The following ADAM9 variants were observed in gnomAD, a reference collection of about 807,000 sequenced individuals.
ADAM9 encodes the protein disintegrin and metalloproteinase domain-containing protein 9.
Under a neutral mutation model 108.1 loss-of-function variants are expected in ADAM9, and 54 were observed. That is an observed-to-expected ratio of 0.50 (90% CI 0.40 to 0.63). The LOEUF is 0.63. Among genes scored for constraint, ADAM9 ranks in the 20% least tolerant of loss-of-function variants. The probability of loss-of-function intolerance (pLI) is 0.00; values close to 1 mark genes in which losing one functional copy is unlikely to be tolerated. For missense variants in ADAM9, 830 were observed against 997.7 expected (o/e 0.83, Z 2.26); for synonymous variants, 316 against 336.0 (o/e 0.94, Z 0.65).
At chr8:39,075,417 A>G (rs1838824140) in intron 15 of ADAM9, among the ~76,000 whole-genome samples, 1 of 152,198 alleles carries the variant, frequency 6.6e-6, no homozygotes, top group Admixed American at 6.5e-5. Context: ...TTTGTGCCAT[A>G]TGAATATCCA....
At chr8:39,033,604 AC>A (rs1238561810) in intron 11 of ADAM9, among the ~76,000 whole-genome samples, 4 of 152,004 alleles carry the variant, frequency 2.6e-5, no homozygotes, top group Non-Finnish European at 1.5e-5. Context: ...ATTTATATTT[AC>A]TGTAATTACT....
intron 14 of ADAM9, among the ~76,000 whole-genome samples, chr8:39,064,569 A>G (rs1838396997): frequency 6.6e-6 from 1 of 152,214 alleles, no homozygotes. Flanking sequence ...AGGCCTGAGA[A>G]CCAGGATTGC....
intron 1 of ADAM9, among the ~76,000 whole-genome samples, chr8:38,998,451 A>G (rs1321528651): frequency 2.0e-5 from 3 of 152,106 alleles, no homozygotes; most frequent in African/African-American, 7.2e-5. Context: ...TGTTAATATA[A>G]ATTGTCAGTC....
At chr8:39,007,460 G>T (rs1836200166) in intron 1 of ADAM9, among the ~76,000 whole-genome samples, 1 of 152,190 alleles carries the variant, frequency 6.6e-6, no homozygotes, top group Admixed American at 6.5e-5. Flanking sequence ...TTCATGCTGG[G>T]TGAGGGGGAG....
chr8:39,066,779 G>T (rs112568082), intron 14 of ADAM9, among the ~76,000 whole-genome samples: 35,921 of 152,064 alleles, frequency 0.24, 4,546 homozygotes, highest in South Asian at 0.31. Context: ...GTCAATTTTG[G>T]CTTTTGTTGC....
intron 11 of ADAM9, among the ~76,000 whole-genome samples, chr8:39,034,327 A>C (rs961876547): frequency 6.6e-6 from 1 of 152,176 alleles, no homozygotes; most frequent in African/African-American, 2.4e-5. Flanking sequence ...TCTACTATTA[A>C]ATCTTATCCT....
At position 39,013,806 on chromosome 8, in the gene ADAM9, T is replaced by G. The variant is rs7840044; in HGVS notation, c.255-159T>G. 0.42 allele frequency among the ~76,000 whole-genome samples: 64,542 copies of G among 151,936 alleles called. 14,529 individuals are homozygous for G. The highest frequency in any genetic ancestry group is 0.73 in the East Asian group (3,773 of 5,172). Reference sequence around the variant, plus strand: ...TGTGAGCCACTGCACCCAGCTGTTATGAGCTTTTAATTTTACAATAGCACA... The same window carrying G: ...TGTGAGCCACTGCACCCAGCTGTTAGGAGCTTTTAATTTTACAATAGCACA... On this transcript the variant is annotated intron_variant, in intron 3 of 21. Transcript: ENST00000487273.
In ADAM9 at chr8:39,098,600, T is replaced by A. The variant is rs559238616; in HGVS notation, c.2299-3263T>A. Among the ~76,000 whole-genome samples, 14 of 152,328 alleles carry A rather than the reference T, an allele frequency of 9.2e-5. No homozygotes were observed. The East Asian group carries it at 2.3e-3, about 25-fold the overall frequency. On this transcript the variant is annotated intron_variant, in intron 20 of 21. Coordinates refer to ENST00000487273, the MANE Select transcript of ADAM9 (RefSeq NM_003816.3). Reference sequence around the variant, plus strand: ...TTTAATTCCTGTAGTTCTACTTAGTTCTATTTCGAATCTGCCTGGTTATTT... The same window carrying A: ...TTTAATTCCTGTAGTTCTACTTAGTACTATTTCGAATCTGCCTGGTTATTT...
chr8:39,018,811 T>C, intron 6 of ADAM9, 42 bp from the exon 7 acceptor site: 1 of 1,572,434 alleles, frequency 6.4e-7, no homozygotes, highest in Admixed American at 1.7e-5. Flanking sequence ...ATCATAGCCT[T>C]ATAACTTCCT....
chr8:39,014,446 G>A (rs1588333882), intron 4 of ADAM9: 1 of 660,500 alleles, frequency 1.5e-6, no homozygotes. Context: ...GATGTTATGT[G>A]TTCTAATGTT....
intron 15 of ADAM9, among the ~76,000 whole-genome samples, chr8:39,072,381 A>G (rs2129441493): frequency 6.6e-6 from 1 of 152,180 alleles, no homozygotes; most frequent in Non-Finnish European, 1.5e-5. Flanking sequence ...AGCAACAAAG[A>G]CCCCCATGTC....
intron 1 of ADAM9, among the ~76,000 whole-genome samples, chr8:38,999,010 G>A: frequency 6.6e-6 from 1 of 152,110 alleles, no homozygotes; most frequent in Non-Finnish European, 1.5e-5. Flanking sequence ...GGGCAACACG[G>A]TGGAGGATAG....
At chr8:38,998,653 TG>T (rs1281433957) in intron 1 of ADAM9, among the ~76,000 whole-genome samples, 1 of 152,152 alleles carries the variant, frequency 6.6e-6, no homozygotes, top group Non-Finnish European at 1.5e-5. Context: ...TGAGAGATGT[TG>T]GGGAAGATTT....
At chr8:39,062,662 C>T (rs1838334911) in intron 14 of ADAM9, among the ~76,000 whole-genome samples, 1 of 152,212 alleles carries the variant, frequency 6.6e-6, no homozygotes, top group Non-Finnish European at 1.5e-5. Flanking sequence ...TTTCCTATCA[C>T]CTAGAATCTG....
intron 12 of ADAM9, among the ~76,000 whole-genome samples, chr8:39,043,143 T>C (rs1837504810): frequency 6.6e-6 from 1 of 152,198 alleles, no homozygotes; most frequent in Non-Finnish European, 1.5e-5. Context: ...TGTATATGTA[T>C]GTATGTATGT....
rs1027724942 is a variant in ADAM9 at position 39,087,496 on chromosome 8, C to G, written c.2069-2551C>G. Among the ~76,000 whole-genome samples, 3 of 152,066 alleles carry G rather than the reference C, an allele frequency of 2.0e-5. No individual in the cohort carries two copies. The East Asian group carries it at 5.8e-4, about 29-fold the overall frequency. On this transcript the variant is annotated intron_variant, in intron 18 of 21. Coordinates refer to ENST00000487273, the MANE Select transcript of ADAM9 (RefSeq NM_003816.3). ...TAATTATTTGACATTTAGATTGTTTCTAAGGTTTTGATAACTCACTGTTAA... is the reference window on the plus strand; with the variant it reads ...TAATTATTTGACATTTAGATTGTTTGTAAGGTTTTGATAACTCACTGTTAA...
chr8:39,016,081 A>G (rs765877621), intron 4 of ADAM9, 37 bp from the exon 5 acceptor site: 1 of 1,564,274 alleles, frequency 6.4e-7, no homozygotes. Context: ...TCAGCAATGT[A>G]GCAATATTTG....
intron 11 of ADAM9, among the ~76,000 whole-genome samples, chr8:39,039,858 A>G (rs1197982815): frequency 6.6e-6 from 1 of 152,090 alleles, no homozygotes; most frequent in Non-Finnish European, 1.5e-5. Flanking sequence ...CGTCTTTATG[A>G]GGTGGTGTTT....
In ADAM9 at chr8:39,017,263, T is replaced by C; in HGVS notation, c.455T>C (p.Leu152Pro). The C allele has an allele frequency of 6.2e-7, 1 of 1,614,190 alleles. No homozygotes were observed. Among genetic ancestry groups the C allele is most frequent in the Non-Finnish European group, 8.5e-7 (1 of 1,180,022 alleles). The change falls in exon 6 of 22, where the codon CTG (leucine) becomes CCG (proline). Residue 152 changes from leucine to proline, a missense_variant. Physicochemically the swap from Leu to Pro is moderately conservative, Grantham distance 98 (BLOSUM62 -3). Around this residue, in one of 3 missense-constraint regions of ADAM9, gnomAD observed 211 missense variants for 222.2 expected, o/e 0.95. Coordinates refer to ENST00000487273, the MANE Select transcript of ADAM9 (RefSeq NM_003816.3). ...LENASYGIEP[L>P]QNSSHFEHII... ...AATGCGAGTTATGGGATTGAACCCC[T>C]GCAGAACAGCTCTCATTTTGAGCAC...
Sources: allele counts gnomAD v4.1 joint callset (sites outside exome capture counted in the v4.1 genomes callset), GRCh38; gene constraint gnomAD v4.1.1; regional missense constraint gnomAD v4.1.1; transcripts MANE v1.5; gene names NCBI Gene and HGNC (gene_info 2026-07-23, HGNC 2026-07-21).